The following PCNX3 variants were observed in gnomAD, a reference collection of about 807,000 sequenced individuals.
The protein encoded by PCNX3 is pecanex-like protein 3.
In PCNX3, 58 loss-of-function variants were observed where a neutral mutation model predicts 207.2. The ratio of observed to expected loss-of-function variants is 0.28; its 90% CI spans 0.23 to 0.35. The LOEUF (loss-of-function observed/expected upper bound fraction) is 0.35, where lower values mean the gene tolerates loss of function less well. Among genes scored for constraint, PCNX3 ranks in the 10% least tolerant of loss-of-function variants. The pLI, the probability that PCNX3 is intolerant of heterozygous loss-of-function variation, is 1.00. For missense variants in PCNX3, 2,410 were observed against 2,774.4 expected (o/e 0.87, Z 2.95); for synonymous variants, 1,337 against 1,183.5 (o/e 1.13, Z -2.66).
At position 65,630,202 on chromosome 11, in the gene PCNX3, G is replaced by A. The variant is rs559539701; in HGVS notation, c.4217-149G>A. The A allele has an allele frequency of 7.2e-5, 88 of 1,214,372 alleles. No individual in the cohort carries two copies. In the African/African-American group the frequency reaches 9.6e-4, roughly 13 times the overall value. The allele number at this position is 1,214,372 out of a possible 1,614,324, so 75.2% of individuals were successfully genotyped here. On this transcript the variant is annotated intron_variant, in intron 26 of 34. Transcript: ENST00000355703. ...GGAGGAGAAAGGCAGGCGCTCTTTCGTGAATCTTGGCATCCAATAAGGTTG... is the reference window on the plus strand; with the variant it reads ...GGAGGAGAAAGGCAGGCGCTCTTTCATGAATCTTGGCATCCAATAAGGTTG...
intron 11 of PCNX3, among the ~76,000 whole-genome samples, chr11:65,623,057 C>T (rs1285715253): frequency 6.6e-6 from 1 of 152,352 alleles, no homozygotes. Flanking sequence ...GACTTCTACC[C>T]AGTGTAGAGA....
At position 65,629,652 on chromosome 11, in the gene PCNX3, C is replaced by A; in HGVS notation, c.4133C>A (p.Ser1378Tyr). The part of the protein sequence containing the change: ...YGPGDCFVLA[S>Y]DYLNALVHLI... ...CCTGGTGACTGCTTCGTCCTGGCCT[C>A]TGACTACCTCAACGCCCTGGTGCAC... The change falls in exon 26 of 35, where the codon TCT becomes TAT. Residue 1378 changes from serine (S) to tyrosine (Y), a missense_variant. This residue lies in a region of PCNX3 where 420 missense variants were observed against 705.3 expected (regional missense o/e 0.60). Transcript: ENST00000355703. The A allele has an allele frequency of 6.3e-7, 1 of 1,592,926 alleles. No homozygotes were observed. Among genetic ancestry groups the A allele is most frequent in the African/African-American group, 1.3e-5 (1 of 74,660 alleles).
chr11:65,630,210 T>G (rs1164632896), intron 26 of PCNX3, 141 bp from the exon 27 acceptor site: 1 of 1,255,988 alleles, frequency 8.0e-7, no homozygotes, highest in Non-Finnish European at 1.1e-6. Flanking sequence ...TCGTGAATCT[T>G]GGCATCCAAT....
Position 65,619,794 on chromosome 11 carries a change from TC to T in PCNX3, c.1873del (p.Arg625GlyfsTer3). 6.3e-7 allele frequency: 1 copy of T among 1,587,820 alleles called. No individual in the cohort carries two copies. On this transcript the variant is annotated frameshift_variant, in exon 8 of 35. Transcript: ENST00000355703. LOFTEE classifies it high-confidence loss of function. ...TCAGCGGGGCCGGGCTGCCTCCCAC[TC>T]CCGGGCGCTGACGCTGCCCTCTGCG... Reference protein sequence around the residue: ...EAQRGRAASHSRALTLPSALH... With the variant: ...EAQRGRAASHXRALTLPSALH...
rs1476386315 is a variant in PCNX3 at position 65,628,923 on chromosome 11, C to T, written c.3916C>T (p.Leu1306Phe). Residue 1306 changes from leucine (L) to phenylalanine (F), a missense_variant, in exon 24 of 35, where the codon CTC becomes TTC. Around this residue, in one of 8 missense-constraint regions of PCNX3, gnomAD observed 420 missense variants for 705.3 expected, o/e 0.60. Coordinates refer to ENST00000355703, the MANE Select transcript of PCNX3 (RefSeq NM_032223.4). ...CTTCATCATGTCCTACGCTCGGCCC[C>T]TCAAGTTCTGGGAGCGCGACTACAA... ...AVFIMSYARP[L>F]KFWERDYNTK... The T allele has an allele frequency of 6.2e-7, 1 of 1,612,360 alleles. No homozygotes were observed. Among genetic ancestry groups the T allele is most frequent in the East Asian group, 2.2e-5 (1 of 44,876 alleles).
At position 65,637,318 on chromosome 11, in the gene PCNX3, C is replaced by G. The variant is rs1855888287; in HGVS notation, c.*340C>G. The G allele has an allele frequency of 6.6e-6, 2 of 304,776 alleles. No homozygotes were observed. Among genetic ancestry groups the G allele is most frequent in the Admixed American group, 9.6e-5 (2 of 20,928 alleles). 18.9% of individuals were successfully genotyped at this position (304,776 alleles called of 1,614,324 possible). On this transcript the variant is annotated 3_prime_UTR_variant, in exon 35 of 35. Coordinates refer to ENST00000355703, the MANE Select transcript of PCNX3 (RefSeq NM_032223.4). ...TGCCTGCAGGTGTGGCCCCCTTGGC[C>G]TGGACCTGGGGCCTGAATTGTGGGA...
Position 65,634,186 on chromosome 11 carries a change from A to G in PCNX3, c.4531A>G (p.Ile1511Val). Reference sequence around the variant, plus strand: ...GGAGGTGTGGCTCAGCCATGAGGGCATCACGGCAGCCCTGAGGCCTGTGCG... The same window carrying G: ...GGAGGTGTGGCTCAGCCATGAGGGCGTCACGGCAGCCCTGAGGCCTGTGCG... ...KLEVWLSHEG[I>V]TAALRPVRVP... Residue 1511 changes from isoleucine to valine, a missense_variant, in exon 28 of 35, where the codon ATC (isoleucine) becomes GTC (valine). Physicochemically the swap from Ile to Val is conservative, Grantham distance 29. Transcript: ENST00000355703. 1 of 1,613,628 alleles carries G rather than the reference A, an allele frequency of 6.2e-7. No individual in the cohort carries two copies. Among genetic ancestry groups the G allele is most frequent in the Non-Finnish European group, 8.5e-7 (1 of 1,179,854 alleles).
intron 14 of PCNX3, 51 bp from the exon 15 acceptor site, chr11:65,624,420 G>A (rs1433656980): frequency 6.4e-7 from 1 of 1,551,740 alleles, no homozygotes; most frequent in Non-Finnish European, 8.7e-7. Flanking sequence ...CCGAGGGTGG[G>A]CCGCGGAAAG....
chr11:65,629,434 A>G lies in PCNX3; in HGVS notation c.4000+19A>G. ...AACCCTGGTGTGTACCCAGCCATCCAAGGGGCTTTAGGGCAGGGCCTCCCT... is the reference window on the plus strand; with the variant it reads ...AACCCTGGTGTGTACCCAGCCATCCGAGGGGCTTTAGGGCAGGGCCTCCCT... On this transcript the variant is annotated intron_variant, in intron 25 of 34. Coordinates refer to ENST00000355703, the MANE Select transcript of PCNX3 (RefSeq NM_032223.4). 1 of 1,611,802 alleles carries G rather than the reference A, an allele frequency of 6.2e-7. No individual in the cohort carries two copies. Among genetic ancestry groups the G allele is most frequent in the African/African-American group, 1.3e-5 (1 of 74,978 alleles).
chr11:65,630,132 C>T (rs1017647679), intron 26 of PCNX3, among the ~76,000 whole-genome samples: 3 of 152,220 alleles, frequency 2.0e-5, no homozygotes, highest in Non-Finnish European at 2.9e-5. Flanking sequence ...GGGGCCAGAC[C>T]GTGTCCCTGC....
In PCNX3 at chr11:65,630,566, T is replaced by G. The variant is rs1310885354; in HGVS notation, c.4432T>G (p.Phe1478Val). 1 of 1,613,168 alleles carries G rather than the reference T, an allele frequency of 6.2e-7. No homozygotes were observed. The highest frequency in any genetic ancestry group is 1.1e-5 in the South Asian group (1 of 91,066). The change falls in exon 27 of 35, where the codon TTC (phenylalanine) becomes GTC (valine). Residue 1478 changes from phenylalanine to valine, a missense_variant. Around this residue, in one of 8 missense-constraint regions of PCNX3, gnomAD observed 420 missense variants for 705.3 expected, o/e 0.60. Transcript: ENST00000355703. ...TAATGCTGCCTCCATGCTGCAGGTT[T>G]TCGACCTCCGCAAGATCCTCATCAC... ...DNNAASMLQV[F>V]DLRKILITYY... is the part of the protein sequence containing the mutation.
At chr11:65,634,483 A>G (rs1855743796) in intron 28 of PCNX3, 55 bp from the exon 29 acceptor site, 1 of 1,532,806 alleles carries the variant, frequency 6.5e-7, no homozygotes. Context: ...CCCCACTCCA[A>G]GGTCCCTGTC....
chr11:65,635,885 CGTG>C lies in PCNX3; in HGVS notation c.5459+83_5459+85del. On this transcript the variant is annotated intron_variant, in intron 32 of 34. Transcript: ENST00000355703. This position sits in a 1 kb window ranked among gnomAD's most constrained non-coding sequence, Gnocchi z 9.9. ...TCCCTCCTGGGTCTCAGAGGGAGGA[CGTG>C]CTGGAGCCAGGGCTTGAATCCCGAG... 1 of 1,475,920 alleles carries C rather than the reference CGTG, an allele frequency of 6.8e-7. No homozygotes were observed. Among genetic ancestry groups the C allele is most frequent in the Non-Finnish European group, 9.0e-7 (1 of 1,109,846 alleles). 91.4% of individuals were successfully genotyped at this position (1,475,920 alleles called of 1,614,324 possible).
intron 6 of PCNX3, 44 bp downstream of exon 6, chr11:65,619,111 C>G (rs771950658): frequency 2.9e-5 from 43 of 1,498,960 alleles, no homozygotes; most frequent in Non-Finnish European, 3.8e-5. Context: ...ACGTGAGCTA[C>G]GGGCTTGGGG....
chr11:65,634,233 G>T lies in PCNX3; in HGVS notation c.4578G>T (p.Ser1526=), dbSNP rs754400451. ...TGCGGGTGCCCGGCTATGCCGACTC[G>T]GATCCCACCTTCTCGCTGAGTGTGG... ...RPVRVPGYAD[S]DPTFSLSVDE... Residue 1526 remains serine, a synonymous_variant, in exon 28 of 35, where the codon TCG becomes TCT. Transcript: ENST00000355703. 1 of 1,613,318 alleles carries T rather than the reference G, an allele frequency of 6.2e-7. No individual in the cohort carries two copies.
chr11:65,636,009 G>A (rs945300196), intron 32 of PCNX3, among the ~76,000 whole-genome samples, 165 bp from the exon 33 acceptor site: 2 of 152,090 alleles, frequency 1.3e-5, no homozygotes, highest in East Asian at 1.9e-4. Context: ...TGTTGACAAC[G>A]CACCCTCAAA....
Position 65,617,247 on chromosome 11 carries a change from C to T in PCNX3, c.342-3C>T. On this transcript the variant is annotated splice_region_variant and splice_polypyrimidine_tract_variant and intron_variant, in intron 2 of 34. Coordinates refer to ENST00000355703, the MANE Select transcript of PCNX3 (RefSeq NM_032223.4). Reference sequence around the variant, plus strand: ...CAAAGCTGCTGCTCTTTTTCACCGCCAGGGACCCCGGAGTGGAGATGACAG... The same window carrying T: ...CAAAGCTGCTGCTCTTTTTCACCGCTAGGGACCCCGGAGTGGAGATGACAG... 1 of 1,599,832 alleles carries T rather than the reference C, an allele frequency of 6.3e-7. No individual in the cohort carries two copies. The highest frequency in any genetic ancestry group is 8.5e-7 in the Non-Finnish European group (1 of 1,173,332).
Position 65,626,050 on chromosome 11 carries a change from G to A in PCNX3, c.3375G>A (p.Val1125=), listed in dbSNP as rs755255091. The A allele has an allele frequency of 2.5e-6, 4 of 1,602,616 alleles. No individual in the cohort carries two copies. The African/African-American group carries it at 4.0e-5, about 16-fold the overall frequency. Residue 1125 remains valine (V), a synonymous_variant, in exon 20 of 35, where the codon GTG becomes GTA. Coordinates refer to ENST00000355703, the MANE Select transcript of PCNX3 (RefSeq NM_032223.4). Reference sequence around the variant, plus strand: ...CGCTGGAGTACAGCCAGTATGAAGTGCGCGGTGAGTGCCCACCCCTGATGG... The same window carrying A: ...CGCTGGAGTACAGCCAGTATGAAGTACGCGGTGAGTGCCCACCCCTGATGG... ...LKPLEYSQYE[V]RGAAQVMWFE...
chr11:65,620,774 C>T, intron 9 of PCNX3, 57 bp from the exon 10 acceptor site: 1 of 1,566,506 alleles, frequency 6.4e-7, no homozygotes, highest in Non-Finnish European at 8.6e-7. Flanking sequence ...CGGCCTCGAC[C>T]CCACCCAGCC....
Sources: allele counts gnomAD v4.1 joint callset (sites outside exome capture counted in the v4.1 genomes callset), GRCh38; gene constraint gnomAD v4.1.1; regional missense constraint gnomAD v4.1.1; non-coding constraint Gnocchi (gnomAD v3.1); transcripts MANE v1.5; gene names NCBI Gene and HGNC (gene_info 2026-07-23, HGNC 2026-07-21).